The following RNLS variants were observed in gnomAD, a reference collection of about 807,000 sequenced individuals.
RNLS encodes renalase, FAD dependent amine oxidase.
In RNLS, 39 loss-of-function variants were observed where a neutral mutation model predicts 39.8. That is an observed-to-expected ratio of 0.98 (90% CI 0.76 to 1.28). The LOEUF (loss-of-function observed/expected upper bound fraction) is 1.28, where lower values mean the gene tolerates loss of function less well. Among genes scored for constraint, RNLS ranks in the 50% most tolerant of loss-of-function variants. RNLS has a pLI of 0.00. For synonymous variants in RNLS, 147 were observed against 150.7 expected, an observed-to-expected ratio of 0.98 and a Z score of 0.18; for missense variants, 410 against 413.3, an observed-to-expected ratio of 0.99 and a Z score of 0.07.
At chr10:88,447,700 A>G (rs1014054198) in intron 4 of RNLS, among the ~76,000 whole-genome samples, 1 of 152,222 alleles carries the variant, frequency 6.6e-6, no homozygotes, top group Non-Finnish European at 1.5e-5. Flanking sequence ...CGCATTGCCA[A>G]GTCAATCCTA....
the RNLS span, among the ~76,000 whole-genome samples, chr10:88,188,963 C>T: frequency 6.6e-6 from 1 of 152,064 alleles, no homozygotes; most frequent in African/African-American, 2.4e-5. Context: ...TTGAAACATC[C>T]CTTTGCTGGC....
At chr10:88,514,546 A>G (rs1485493713) in intron 4 of RNLS, among the ~76,000 whole-genome samples, 1 of 152,144 alleles carries the variant, frequency 6.6e-6, no homozygotes, top group East Asian at 1.9e-4. Context: ...GAAATTTTAT[A>G]CACACTGAAC....
At chr10:88,313,468 C>T (rs1035793527) in intron 6 of RNLS, among the ~76,000 whole-genome samples, 1 of 152,104 alleles carries the variant, frequency 6.6e-6, no homozygotes, top group African/African-American at 2.4e-5. Flanking sequence ...CTAAAGTGAC[C>T]ATGACATGCT....
At chr10:88,321,452 C>T (rs1846176038) in intron 5 of RNLS, among the ~76,000 whole-genome samples, 1 of 151,952 alleles carries the variant, frequency 6.6e-6, no homozygotes, top group Admixed American at 6.6e-5. Context: ...TAACAAAGAT[C>T]AGAGCAGAAT....
At chr10:88,296,112 A>G (rs1002572334) in intron 6 of RNLS, among the ~76,000 whole-genome samples, 13 of 152,136 alleles carry the variant, frequency 8.5e-5, no homozygotes, top group Admixed American at 2.0e-4. Flanking sequence ...GCTGAGCACT[A>G]TGAAAAGTGT....
At chr10:88,262,059 G>A in the RNLS span, among the ~76,000 whole-genome samples, 6 of 152,188 alleles carry the variant, frequency 3.9e-5, no homozygotes, top group Admixed American at 3.9e-4. Context: ...CAGAGGCGGA[G>A]GCAGGAGAGG....
Position 88,362,561 on chromosome 10 carries a change from G to T in RNLS, c.691C>A (p.Arg231Ser). 6.2e-7 allele frequency: 1 copy of T among 1,613,528 alleles called. No homozygotes were observed. Among genetic ancestry groups the T allele is most frequent in the Non-Finnish European group, 8.5e-7 (1 of 1,179,684 alleles). ...IRFVSIDNKK[R>S]NIESSEIGPS... ...TAATAGGGGTACTGACCTATATTGCGCTTCTTATTATCAATGGAGACGAAG... is the reference window on the plus strand; with the variant it reads ...TAATAGGGGTACTGACCTATATTGCTCTTCTTATTATCAATGGAGACGAAG... The change falls in exon 5 of 7, where the codon CGC becomes AGC. Residue 231 changes from arginine (R) to serine (S), a missense_variant. By Grantham distance (110) the Arg-to-Ser change is moderately radical. Coordinates refer to ENST00000331772, the MANE Select transcript of RNLS (RefSeq NM_001031709.3).
At chr10:88,194,311 G>A in the RNLS span, among the ~76,000 whole-genome samples, 3 of 152,202 alleles carry the variant, frequency 2.0e-5, no homozygotes, top group African/African-American at 7.2e-5. Flanking sequence ...TGCTGAGATT[G>A]TGATAGCCAA....
intron 4 of RNLS, among the ~76,000 whole-genome samples, chr10:88,418,486 T>C (rs1242665860): frequency 6.6e-6 from 1 of 152,234 alleles, no homozygotes; most frequent in Non-Finnish European, 1.5e-5. Flanking sequence ...TGTGAATACT[T>C]CTTTCATTAT....
chr10:88,186,738 TA>T, the RNLS span, among the ~76,000 whole-genome samples: 139 of 147,836 alleles, frequency 9.4e-4, no homozygotes, highest in African/African-American at 2.2e-3. Context: ...TTCTTTACGG[TA>T]AAAAAAAAAA....
intron 4 of RNLS, among the ~76,000 whole-genome samples, chr10:88,530,169 T>C (rs1160200628): frequency 1.3e-5 from 2 of 152,168 alleles, no homozygotes; most frequent in South Asian, 2.1e-4. Context: ...CAAATTGATA[T>C]CCTCATTTAC....
intron 4 of RNLS, among the ~76,000 whole-genome samples, chr10:88,477,814 G>C (rs1251063205): frequency 6.6e-6 from 1 of 152,168 alleles, no homozygotes; most frequent in Non-Finnish European, 1.5e-5. Context: ...AGTTCACACA[G>C]CTGTCCAGAG....
At chr10:88,384,941 G>T (rs1328512114) in intron 4 of RNLS, among the ~76,000 whole-genome samples, 5 of 152,202 alleles carry the variant, frequency 3.3e-5, no homozygotes, top group African/African-American at 1.2e-4. Context: ...ACCTAGCTTT[G>T]CCTCCTTGTT....
intron 4 of RNLS, among the ~76,000 whole-genome samples, chr10:88,437,743 A>G (rs1216953809): frequency 6.6e-6 from 1 of 152,150 alleles, no homozygotes; most frequent in South Asian, 2.1e-4. Context: ...CCTAGTTCTT[A>G]TGAATGCCCC....
At chr10:88,192,644 G>A in the RNLS span, among the ~76,000 whole-genome samples, 1 of 152,270 alleles carries the variant, frequency 6.6e-6, no homozygotes, top group Admixed American at 6.5e-5. Context: ...TGCGTTCATG[G>A]AACATAGTTT....
intron 4 of RNLS, among the ~76,000 whole-genome samples, chr10:88,548,580 A>G (rs1238798521): frequency 6.7e-6 from 1 of 149,088 alleles, no homozygotes; most frequent in African/African-American, 2.4e-5. Flanking sequence ...CGGAGGTTGC[A>G]GTGAACCTAG....
chr10:88,173,256 C>T, the RNLS span, among the ~76,000 whole-genome samples: 1 of 152,102 alleles, frequency 6.6e-6, no homozygotes, highest in African/African-American at 2.4e-5. Flanking sequence ...TTCTTCAATG[C>T]ATTTTCTTGG....
chr10:88,510,988 G>A (rs1452103661), intron 4 of RNLS, among the ~76,000 whole-genome samples: 1 of 148,170 alleles, frequency 6.7e-6, no homozygotes, highest in Non-Finnish European at 1.5e-5. Context: ...GACAATATGA[G>A]GCCCAGGCAA....
At chr10:88,354,522 T>G (rs7914096) in intron 5 of RNLS, among the ~76,000 whole-genome samples, 43,246 of 152,130 alleles carry the variant, frequency 0.28, 7,753 homozygotes, top group African/African-American at 0.5. Flanking sequence ...AATTCTTTCC[T>G]TTAAGAATGT....
Sources: allele counts gnomAD v4.1 joint callset (sites outside exome capture counted in the v4.1 genomes callset), GRCh38; gene constraint gnomAD v4.1.1; transcripts MANE v1.5; gene names NCBI Gene and HGNC (gene_info 2026-07-23, HGNC 2026-07-21).